RALGPS1: variants seen among roughly 807,000 people sequenced by gnomAD.
RALGPS1 encodes the protein ras-specific guanine nucleotide-releasing factor RalGPS1.
A neutral mutation model predicts 78.8 loss-of-function variants in RALGPS1; 19 were observed. The observed-to-expected ratio is 0.24, with a 90% CI of 0.17 to 0.35. The LOEUF (loss-of-function observed/expected upper bound fraction) is 0.35. Among genes scored for constraint, RALGPS1 ranks in the 10% least tolerant of loss-of-function variants. The probability of loss-of-function intolerance (pLI) is 1.00; values close to 1 mark genes in which losing one functional copy is unlikely to be tolerated. For missense variants in RALGPS1, 454 were observed against 688.3 expected, an observed-to-expected ratio of 0.66 and a Z score of 3.81; for synonymous variants, 228 against 256.3, an observed-to-expected ratio of 0.89 and a Z score of 1.06.
At chr9:127,048,299 T>A (rs1156276911) in intron 5 of RALGPS1, among the ~76,000 whole-genome samples, 4 of 152,122 alleles carry the variant, frequency 2.6e-5, no homozygotes, top group Non-Finnish European at 4.4e-5. Context: ...CACACTTCAG[T>A]CTTCTCTTGT....
At chr9:127,074,540 A>G (rs192707671) in intron 8 of RALGPS1, among the ~76,000 whole-genome samples, 1 of 152,336 alleles carries the variant, frequency 6.6e-6, no homozygotes, top group Admixed American at 6.5e-5. Flanking sequence ...CCGTGAGGGT[A>G]GCCTAGTGCA....
intron 4 of RALGPS1, among the ~76,000 whole-genome samples, chr9:126,997,026 C>T (rs1319955401): frequency 3.3e-5 from 5 of 151,802 alleles, no homozygotes; most frequent in Non-Finnish European, 7.4e-5. Context: ...ATTGATGGGA[C>T]GTATCTCAAA....
At chr9:127,071,158 T>C (rs1243628271) in intron 8 of RALGPS1, among the ~76,000 whole-genome samples, 2 of 151,854 alleles carry the variant, frequency 1.3e-5, no homozygotes, top group Non-Finnish European at 2.9e-5. Flanking sequence ...GTATTTCTAA[T>C]AGTTTAGTAT....
chr9:127,108,085 G>A, intron 8 of RALGPS1: 2 of 1,611,562 alleles, frequency 1.2e-6, no homozygotes, highest in Middle Eastern at 1.7e-4. Flanking sequence ...AGCGGGGGGT[G>A]GCTGGGGGAC....
intron 8 of RALGPS1, among the ~76,000 whole-genome samples, chr9:127,135,231 C>G (rs1489831843): frequency 1.3e-5 from 2 of 152,138 alleles, no homozygotes; most frequent in Non-Finnish European, 2.9e-5. Context: ...ATAGAGATGT[C>G]TGAAAGCAGA....
At chr9:127,003,409 T>C (rs1156260876) in intron 4 of RALGPS1, among the ~76,000 whole-genome samples, 2 of 151,840 alleles carry the variant, frequency 1.3e-5, no homozygotes, top group Non-Finnish European at 2.9e-5. Flanking sequence ...GAACAGACAC[T>C]TCTCAAAAGA....
chr9:127,074,308 T>G (rs924399202), intron 8 of RALGPS1, among the ~76,000 whole-genome samples: 2 of 152,268 alleles, frequency 1.3e-5, no homozygotes, highest in African/African-American at 4.8e-5. Flanking sequence ...TGTTTCACCT[T>G]ATGCCATAGA....
intron 8 of RALGPS1, among the ~76,000 whole-genome samples, chr9:127,134,011 C>CT (rs572717330): frequency 6.7e-6 from 1 of 150,352 alleles, no homozygotes; most frequent in Non-Finnish European, 1.5e-5. Flanking sequence ...CTCGCTCCCC[C>CT]CCCCGTGAAT....
intron 4 of RALGPS1, among the ~76,000 whole-genome samples, chr9:126,999,320 C>G (rs2043071150): frequency 6.6e-6 from 1 of 152,148 alleles, no homozygotes; most frequent in Non-Finnish European, 1.5e-5. Context: ...AGACCCTACA[C>G]TGATACAGCA....
chr9:127,132,260 C>T (rs527909453), intron 8 of RALGPS1, among the ~76,000 whole-genome samples: 61 of 152,308 alleles, frequency 4.0e-4, no homozygotes, highest in South Asian at 1.2e-3. Context: ...AAACAAACTT[C>T]ATTCGACTGA....
chr9:127,217,082 G>A (rs2062628569), intron 18 of RALGPS1: 8 of 1,392,118 alleles, frequency 5.7e-6, no homozygotes, highest in South Asian at 1.7e-5. Flanking sequence ...TTGGAGGAGC[G>A]GCCAGAGGAT....
intron 11 of RALGPS1, among the ~76,000 whole-genome samples, chr9:127,182,019 C>T (rs1052912557): frequency 2.0e-5 from 3 of 151,734 alleles, no homozygotes; most frequent in Non-Finnish European, 4.4e-5. Context: ...AAACGGGCAG[C>T]GAGAGTATGT....
chr9:127,135,064 G>A (rs1442992070), intron 8 of RALGPS1, among the ~76,000 whole-genome samples: 1 of 152,212 alleles, frequency 6.6e-6, no homozygotes, highest in African/African-American at 2.4e-5. Context: ...TGGGACACTT[G>A]AATGTGATGA....
At chr9:127,040,857 A>G (rs909443640) in intron 5 of RALGPS1, among the ~76,000 whole-genome samples, 16 of 152,276 alleles carry the variant, frequency 1.1e-4, no homozygotes, top group African/African-American at 3.9e-4. Flanking sequence ...TGTAGTTAAC[A>G]TTCATCCATG....
intron 4 of RALGPS1, among the ~76,000 whole-genome samples, chr9:126,983,907 A>C (rs2041556030): frequency 6.6e-6 from 1 of 152,072 alleles, no homozygotes; most frequent in Admixed American, 6.5e-5. Flanking sequence ...ACTTTGTATC[A>C]CATGTCACAT....
chr9:126,930,420 C>CT (rs757938823), intron 1 of RALGPS1, among the ~76,000 whole-genome samples: 10 of 151,906 alleles, frequency 6.6e-5, no homozygotes, highest in South Asian at 4.1e-4. Context: ...ACCTGGAAAA[C>CT]TAAGTTGGTA....
intron 4 of RALGPS1, among the ~76,000 whole-genome samples, chr9:126,985,422 C>T (rs187655933): frequency 1.3e-5 from 2 of 152,270 alleles, no homozygotes; most frequent in East Asian, 3.9e-4. Flanking sequence ...CGTTATACTA[C>T]ATTATCTTGT....
chr9:127,205,971 T>C lies in RALGPS1; in HGVS notation c.1248-6160T>C, dbSNP rs960429026. On this transcript the variant is annotated intron_variant, in intron 14 of 18. Transcript: ENST00000259351. This position sits in a 1 kb window ranked among gnomAD's most constrained non-coding sequence, Gnocchi z 4.0. Reference sequence around the variant, plus strand: ...GACCCACTTAGTGAATCAGGGACATTGCCCAGAGAAGAGTGGGTGGCCCAT... The same window carrying C: ...GACCCACTTAGTGAATCAGGGACATCGCCCAGAGAAGAGTGGGTGGCCCAT... 1.4e-4 allele frequency among the ~76,000 whole-genome samples: 22 copies of C among 152,332 alleles called. No homozygotes were observed. The highest frequency in any genetic ancestry group is 3.4e-3 in the Middle Eastern group (1 of 294).
In RALGPS1 at chr9:127,222,935, T is replaced by C. The variant is rs1156359749; in HGVS notation, c.*4166T>C. On this transcript the variant is annotated 3_prime_UTR_variant, in exon 19 of 19. Coordinates refer to ENST00000259351, the MANE Select transcript of RALGPS1 (RefSeq NM_014636.3). ...CAGCAGACCCCTGCATGCAGTTGTGTAAGGACTTTCTCTAATTCTTGTGAA... is the reference window on the plus strand; with the variant it reads ...CAGCAGACCCCTGCATGCAGTTGTGCAAGGACTTTCTCTAATTCTTGTGAA... 2 of 152,660 alleles carry C rather than the reference T, an allele frequency of 1.3e-5. No individual in the cohort carries two copies. Among genetic ancestry groups the C allele is most frequent in the Non-Finnish European group, 2.9e-5 (2 of 68,038 alleles). 9.5% of individuals were successfully genotyped at this position (152,660 alleles called of 1,614,324 possible).
Sources: allele counts gnomAD v4.1 joint callset (sites outside exome capture counted in the v4.1 genomes callset), GRCh38; gene constraint gnomAD v4.1.1; non-coding constraint Gnocchi (gnomAD v3.1); transcripts MANE v1.5; gene names NCBI Gene and HGNC (gene_info 2026-07-23, HGNC 2026-07-21).